The following NOTCH2NLC variants were observed in gnomAD, a reference collection of about 807,000 sequenced individuals.
NOTCH2NLC encodes notch homolog 2 N-terminal-like protein C.
In NOTCH2NLC, 4 loss-of-function variants were observed where a neutral mutation model predicts 17.7. That is an observed-to-expected ratio of 0.23 (90% confidence interval 0.11 to 0.52). The LOEUF (loss-of-function observed/expected upper bound fraction) is 0.52. Ranked by LOEUF, NOTCH2NLC falls within the 20% of genes least tolerant of loss-of-function variation. NOTCH2NLC has a pLI of 0.96. For synonymous variants in NOTCH2NLC, 18 were observed against 86.0 expected (o/e 0.21, Z 4.38); for missense variants, 57 against 207.2 (o/e 0.28, Z 4.45).
chr1:149,413,421 C>A (rs1449294911), intron 1 of NOTCH2NLC, among the ~76,000 whole-genome samples: 2 of 151,166 alleles, frequency 1.3e-5, no homozygotes, highest in Admixed American at 1.3e-4. Flanking sequence ...CCTTGGATCC[C>A]CCAAAGTCTG....
At chr1:149,446,240 G>A (rs1323041734) in intron 2 of NOTCH2NLC, among the ~76,000 whole-genome samples, 4 of 91,618 alleles carry the variant, frequency 4.4e-5, no homozygotes, top group South Asian at 4.4e-4. Context: ...TCCCAGCTTC[G>A]TTGAAATCTG....
chr1:149,450,003 A>G (rs1424736121), intron 2 of NOTCH2NLC, among the ~76,000 whole-genome samples: 1 of 146,346 alleles, frequency 6.8e-6, no homozygotes, highest in African/African-American at 2.5e-5. Flanking sequence ...ATTTATGGAT[A>G]TACCACATTT....
chr1:149,392,974 G>A (rs1324652780), intron 1 of NOTCH2NLC, among the ~76,000 whole-genome samples: 6 of 148,344 alleles, frequency 4.0e-5, no homozygotes, highest in Admixed American at 3.3e-4. Context: ...GGGAGGCTAA[G>A]GCGGAGAATG....
chr1:149,428,778 G>A (rs1294145512), intron 1 of NOTCH2NLC, among the ~76,000 whole-genome samples: 3 of 149,418 alleles, frequency 2.0e-5, no homozygotes, highest in African/African-American at 7.4e-5. Flanking sequence ...CAGGATTTCA[G>A]GTCTCCTGAG....
chr1:149,432,523 A>C lies in NOTCH2NLC; in HGVS notation c.209+1508A>C, dbSNP rs1292393659. On this transcript the variant is annotated intron_variant, in intron 2 of 4. Transcript: ENST00000650865. ...GAATGGAGATACAACTGGAGATAAT[A>C]AGGGAGGGAACTTAATACCTTAGAG... Among the ~76,000 whole-genome samples, 22 of 151,188 alleles carry C rather than the reference A, an allele frequency of 1.5e-4. 1 individual carries two copies. In the East Asian group the frequency reaches 4.3e-3, roughly 30 times the overall value.
chr1:149,419,855 A>ATATATATATATTTT (rs1468150839), intron 1 of NOTCH2NLC, among the ~76,000 whole-genome samples: 1 of 78,206 alleles, frequency 1.3e-5, no homozygotes, highest in South Asian at 4.3e-4. Context: ...ATATATATAT[A>ATATATATATATTTT]TTTTTTTTTT....
At chr1:149,424,144 A>G (rs2101483065) in intron 1 of NOTCH2NLC, among the ~76,000 whole-genome samples, 1 of 151,476 alleles carries the variant, frequency 6.6e-6, no homozygotes, top group South Asian at 2.1e-4. Context: ...GAGGCGCTGG[A>G]ACTGGTTAAA....
chr1:149,444,892 T>A (rs1318916655), intron 2 of NOTCH2NLC, among the ~76,000 whole-genome samples: 8 of 149,232 alleles, frequency 5.4e-5, no homozygotes, highest in African/African-American at 1.5e-4. Flanking sequence ...TACTTTTTTT[T>A]AAAGTTCTTT....
intron 3 of NOTCH2NLC, among the ~76,000 whole-genome samples, chr1:149,457,566 G>A (rs2084620860): frequency 6.7e-6 from 1 of 148,926 alleles, no homozygotes; most frequent in Non-Finnish European, 1.5e-5. Flanking sequence ...AGGAGAGTTT[G>A]TTAAGTATTA....
At chr1:149,398,349 T>C (rs2084220980) in intron 1 of NOTCH2NLC, among the ~76,000 whole-genome samples, 1 of 149,274 alleles carries the variant, frequency 6.7e-6, no homozygotes, top group Admixed American at 6.7e-5. Flanking sequence ...CAAGAGAGAG[T>C]GCTGTGTTCT....
In NOTCH2NLC at chr1:149,393,732, C is replaced by T. The variant is rs1291048603; in HGVS notation, c.135+2810C>T. Reference sequence around the variant, plus strand: ...TTTAACCTAAAACTATTTTTCCTTTCACTTTCTTATTATTCCTTTTTTTTT... The same window carrying T: ...TTTAACCTAAAACTATTTTTCCTTTTACTTTCTTATTATTCCTTTTTTTTT... On this transcript the variant is annotated intron_variant, in intron 1 of 4. Transcript: ENST00000650865. 1.4e-5 allele frequency among the ~76,000 whole-genome samples: 2 copies of T among 139,388 alleles called. 1 individual carries two copies. The highest frequency in any genetic ancestry group is 3.1e-5 in the Non-Finnish European group (2 of 65,014). 91.4% of individuals were successfully genotyped at this position (139,388 alleles called of 152,430 possible). A position where few individuals can be genotyped will look rare whatever the true frequency, so the allele number is the denominator to read the frequency against.
rs1213734513 is a variant in NOTCH2NLC at position 149,398,633 on chromosome 1, T to TG, written c.135+7716dup. Among the ~76,000 whole-genome samples, 5 of 151,184 alleles carry TG rather than the reference T, an allele frequency of 3.3e-5. 1 individual carries two copies. The highest frequency in any genetic ancestry group is 4.9e-5 in the African/African-American group (2 of 41,098). On this transcript the variant is annotated intron_variant, in intron 1 of 4. Transcript: ENST00000650865. Reference sequence around the variant, plus strand: ...TATTAGGTATGATTGAACAAGCTCTTGGGGGTTCACCTTAGTGTCCCTTGC... The same window carrying TG: ...TATTAGGTATGATTGAACAAGCTCTTGGGGGGTTCACCTTAGTGTCCCTTGC...
rs1274115888 is a variant in NOTCH2NLC at position 149,394,352 on chromosome 1, A to G, written c.135+3430A>G. On this transcript the variant is annotated intron_variant, in intron 1 of 4. Coordinates refer to ENST00000650865, the MANE Select transcript of NOTCH2NLC (RefSeq NM_001364013.2). ...CTTTCTAAATTTAAGAAATTTCCAT[A>G]ACAAATGTAACCTTAGTCATTCCAG... Among the ~76,000 whole-genome samples, 3 of 150,852 alleles carry G rather than the reference A, an allele frequency of 2.0e-5. 1 individual carries two copies. The highest frequency in any genetic ancestry group is 3.0e-5 in the Non-Finnish European group (2 of 67,556).
chr1:149,396,003 T>C lies in NOTCH2NLC; in HGVS notation c.135+5081T>C, dbSNP rs1197655818. Among the ~76,000 whole-genome samples the C allele has an allele frequency of 3.1e-4, 47 of 151,192 alleles. 4 individuals carry two copies. The highest frequency in any genetic ancestry group is 5.2e-4 in the Non-Finnish European group (35 of 67,650). On this transcript the variant is annotated intron_variant, in intron 1 of 4. Coordinates refer to ENST00000650865, the MANE Select transcript of NOTCH2NLC (RefSeq NM_001364013.2). ...TCTGTACTACAGAACTTGTCTGGCA[T>C]GTGCCCGAAATTCAGAGTCAACTGA...
chr1:149,414,960 T>A (rs2101475021), intron 1 of NOTCH2NLC, among the ~76,000 whole-genome samples: 1 of 130,066 alleles, frequency 7.7e-6, no homozygotes, highest in African/African-American at 2.9e-5. Context: ...TATCTCTCCT[T>A]AAGAGGGAAT....
chr1:149,420,121 C>T (rs1197100263), intron 1 of NOTCH2NLC, among the ~76,000 whole-genome samples: 1 of 150,036 alleles, frequency 6.7e-6, no homozygotes, highest in Non-Finnish European at 1.5e-5. Context: ...CCGCCCACCT[C>T]GGCCTCCCAA....
At chr1:149,410,520 G>C (rs2084293043) in intron 1 of NOTCH2NLC, among the ~76,000 whole-genome samples, 1 of 136,338 alleles carries the variant, frequency 7.3e-6, no homozygotes, top group African/African-American at 2.7e-5. Flanking sequence ...CTTAACTTTG[G>C]AGTTTTAATA....
At chr1:149,438,916 A>G (rs1449564635) in intron 2 of NOTCH2NLC, among the ~76,000 whole-genome samples, 1 of 147,598 alleles carries the variant, frequency 6.8e-6, no homozygotes, top group South Asian at 2.2e-4. Flanking sequence ...ACGGTCTCAC[A>G]TGTTGCTCAG....
chr1:149,433,923 G>A (rs2084468361), intron 2 of NOTCH2NLC, among the ~76,000 whole-genome samples: 1 of 149,612 alleles, frequency 6.7e-6, no homozygotes, highest in Admixed American at 6.6e-5. Context: ...ACTCCAGCCT[G>A]AGCGACAGAG....
Sources: allele counts gnomAD v4.1 joint callset (sites outside exome capture counted in the v4.1 genomes callset), GRCh38; gene constraint gnomAD v4.1.1; transcripts MANE v1.5; gene names NCBI Gene and HGNC (gene_info 2026-07-23, HGNC 2026-07-21).